FANK1: variants seen among roughly 807,000 people sequenced by gnomAD.
FANK1 encodes the protein fibronectin type III and ankyrin repeat domains 1, also known as fibronectin type 3 and ankyrin repeat domains protein 1.
FANK1 carries 44 observed loss-of-function variants against 45.3 expected under a neutral mutation model. The ratio of observed to expected loss-of-function variants is 0.97; its 90% CI spans 0.76 to 1.25. The LOEUF (loss-of-function observed/expected upper bound fraction) is 1.25. FANK1 is among the 50% of genes most tolerant of loss of function. The probability of loss-of-function intolerance (pLI) is 0.00; values close to 1 mark genes in which losing one functional copy is unlikely to be tolerated. For synonymous variants in FANK1, 149 were observed against 152.5 expected, an observed-to-expected ratio of 0.98 and a Z score of 0.17; for missense variants, 391 against 424.4, an observed-to-expected ratio of 0.92 and a Z score of 0.69.
At chr10:125,938,959 A>G (rs1948276497) in intron 1 of FANK1, among the ~76,000 whole-genome samples, 1 of 152,222 alleles carries the variant, frequency 6.6e-6, no homozygotes, top group Non-Finnish European at 1.5e-5. Flanking sequence ...GGCAAACTCC[A>G]CTGTAACCAA....
chr10:126,000,476 TAACATA>T (rs1289166580), intron 6 of FANK1, among the ~76,000 whole-genome samples: 1 of 152,162 alleles, frequency 6.6e-6, no homozygotes, highest in Non-Finnish European at 1.5e-5. Flanking sequence ...ATGATAGAAG[TAACATA>T]AACCATTGAG....
intron 1 of FANK1, among the ~76,000 whole-genome samples, chr10:125,970,728 C>T (rs1950464963): frequency 6.6e-6 from 1 of 152,118 alleles, no homozygotes; most frequent in Non-Finnish European, 1.5e-5. Context: ...GCAGGAGAAT[C>T]AGGCAGGGAG....
intron 6 of FANK1, 150 bp downstream of exon 6, chr10:125,997,635 C>CTT: frequency 1.4e-6 from 1 of 692,734 alleles, no homozygotes; most frequent in South Asian, 2.0e-5. Context: ...AGATGGTGAT[C>CTT]ACAAAAGCTG....
chr10:125,967,245 G>A (rs1421051885), intron 1 of FANK1, among the ~76,000 whole-genome samples: 5 of 152,312 alleles, frequency 3.3e-5, no homozygotes, highest in South Asian at 4.1e-4. Context: ...TTAAGGGCAC[G>A]CCGCTGGAGT....
chr10:125,952,503 G>A (rs546807945), intron 1 of FANK1, among the ~76,000 whole-genome samples: 29 of 152,194 alleles, frequency 1.9e-4, no homozygotes, highest in African/African-American at 6.7e-4. Context: ...TTTTTACTGA[G>A]CTCTGACCCA....
At chr10:125,954,877 T>C (rs1949480869) in intron 1 of FANK1, among the ~76,000 whole-genome samples, 1 of 152,046 alleles carries the variant, frequency 6.6e-6, no homozygotes, top group African/African-American at 2.4e-5. Flanking sequence ...GCCAAGATTG[T>C]GCCACTGCAA....
chr10:125,915,942 G>A (rs1370735912), intron 1 of FANK1, among the ~76,000 whole-genome samples: 12 of 152,302 alleles, frequency 7.9e-5, no homozygotes, highest in Non-Finnish European at 2.9e-5. Flanking sequence ...TTGACAGTTT[G>A]TAATAACTGC....
intron 1 of FANK1, among the ~76,000 whole-genome samples, chr10:125,925,360 T>G (rs1947273705): frequency 6.6e-6 from 1 of 152,260 alleles, no homozygotes; most frequent in South Asian, 2.1e-4. Context: ...ACGTATGATA[T>G]AGCTATAGTA....
chr10:125,950,051 C>G (rs1404545117), intron 1 of FANK1, among the ~76,000 whole-genome samples: 6 of 135,882 alleles, frequency 4.4e-5, no homozygotes, highest in Non-Finnish European at 8.1e-5. Context: ...GCTGGGAAAA[C>G]TGGCTAGCCA....
intron 1 of FANK1, among the ~76,000 whole-genome samples, chr10:125,953,264 T>G (rs1422583261): frequency 6.6e-6 from 1 of 152,122 alleles, no homozygotes; most frequent in Non-Finnish European, 1.5e-5. Context: ...TTTGTGCAGT[T>G]TGGTGGTTTG....
intron 1 of FANK1, among the ~76,000 whole-genome samples, chr10:125,965,758 AGTT>A (rs940252027): frequency 7.9e-5 from 12 of 152,238 alleles, no homozygotes; most frequent in Non-Finnish European, 1.3e-4. Context: ...AGTAAATTGA[AGTT>A]GTTGTAATTA....
intron 1 of FANK1, among the ~76,000 whole-genome samples, chr10:125,922,660 G>A (rs1479653563): frequency 6.6e-6 from 1 of 152,126 alleles, no homozygotes; most frequent in African/African-American, 2.4e-5. Context: ...GGGTCTATAG[G>A]TGTGCTGCCA....
At chr10:125,996,077 C>G (rs948600020) in intron 4 of FANK1, among the ~76,000 whole-genome samples, 4 of 152,194 alleles carry the variant, frequency 2.6e-5, no homozygotes, top group African/African-American at 9.7e-5. Flanking sequence ...CACAAAAAGC[C>G]AAAGCTGCTA....
At chr10:126,007,725 G>A (rs929987324) in intron 7 of FANK1, among the ~76,000 whole-genome samples, 3 of 152,134 alleles carry the variant, frequency 2.0e-5, no homozygotes, top group Non-Finnish European at 2.9e-5. Flanking sequence ...GCACAAACAC[G>A]TATCTGTCTT....
chr10:125,952,920 G>T (rs992162836), intron 1 of FANK1, among the ~76,000 whole-genome samples: 1 of 151,582 alleles, frequency 6.6e-6, no homozygotes, highest in African/African-American at 2.4e-5. Flanking sequence ...CTCTGGGGGA[G>T]TTAATTTGCT....
intron 1 of FANK1, among the ~76,000 whole-genome samples, chr10:125,965,433 G>A (rs1407591531): frequency 2.6e-5 from 4 of 152,120 alleles, no homozygotes. Flanking sequence ...ATAACAATTT[G>A]GCTTTTCTTA....
rs1293339788 is a variant in FANK1, at chr10:125,983,217, T to C, written c.191+2879T>C. On this transcript the variant is annotated intron_variant, in intron 2 of 10. Transcript: ENST00000368693. This position sits in a 1 kb window ranked among gnomAD's most constrained non-coding sequence, Gnocchi z 4.3. The stretch of plus-strand genomic sequence containing the variant: ...TTTTCCCCTCTCACCCTATTCTTTC[T>C]TCTGCCCTGGTCAGATTTTACCTCC... Among the ~76,000 whole-genome samples, 1 of 152,186 alleles carries C rather than the reference T, an allele frequency of 6.6e-6. No homozygotes were observed. Among genetic ancestry groups the C allele is most frequent in the Non-Finnish European group, 1.5e-5 (1 of 68,036 alleles).
At chr10:125,912,522 C>T (rs1392778121) in intron 1 of FANK1, among the ~76,000 whole-genome samples, 1 of 151,744 alleles carries the variant, frequency 6.6e-6, no homozygotes, top group Non-Finnish European at 1.5e-5. Flanking sequence ...AGAAACAGCT[C>T]TCTTAAAAAT....
At chr10:125,998,872 C>G (rs1952540630) in intron 6 of FANK1, among the ~76,000 whole-genome samples, 1 of 152,196 alleles carries the variant, frequency 6.6e-6, no homozygotes, top group African/African-American at 2.4e-5. Context: ...TGTGGCTTGA[C>G]TATTCGACCA....
Sources: gnomAD v4.1 joint callset for allele counts (sites outside exome capture counted in the v4.1 genomes callset) on GRCh38, gnomAD v4.1.1 for gene constraint, Gnocchi (gnomAD v3.1) non-coding constraint, MANE v1.5 for transcripts, NCBI Gene and HGNC (gene_info 2026-07-23, HGNC 2026-07-21) for gene names.